The following CNTNAP2 variants were observed in gnomAD, a reference collection of about 807,000 sequenced individuals.
CNTNAP2 encodes contactin associated protein 2, also known as contactin-associated protein-like 2.
Under a neutral mutation model 155.2 loss-of-function variants are expected in CNTNAP2, and 98 were observed. The ratio of observed to expected loss-of-function variants is 0.63; its 90% CI spans 0.54 to 0.75. The LOEUF (loss-of-function observed/expected upper bound fraction) is 0.75, where lower values mean the gene tolerates loss of function less well. Ranked by LOEUF, CNTNAP2 falls within the 30% of genes least tolerant of loss-of-function variation. The pLI, the probability that CNTNAP2 is intolerant of heterozygous loss-of-function variation, is 0.00. For missense variants in CNTNAP2, 1,727 were observed against 1,688.1 expected, an observed-to-expected ratio of 1.02 and a Z score of -0.40; for synonymous variants, 651 against 631.2, an observed-to-expected ratio of 1.03 and a Z score of -0.47.
At chr7:147,787,553 T>C (rs1282368563) in intron 13 of CNTNAP2, among the ~76,000 whole-genome samples, 2 of 152,376 alleles carry the variant, frequency 1.3e-5, no homozygotes, top group East Asian at 1.9e-4. Context: ...TCTGTAGTTA[T>C]AGCCTAGAGC....
intron 6 of CNTNAP2, chr7:147,122,530 G>A (rs1036387285): frequency 6.6e-6 from 1 of 152,218 alleles, no homozygotes; most frequent in Non-Finnish European, 1.5e-5. Context: ...ACGACTGGCA[G>A]AAATGGGGAT....
intron 15 of CNTNAP2, among the ~76,000 whole-genome samples, chr7:148,070,730 T>A (rs993064652): frequency 9.2e-5 from 14 of 152,138 alleles, no homozygotes; most frequent in Admixed American, 3.9e-4. Flanking sequence ...ATAAATAAAT[T>A]AATTAATTAA....
At chr7:147,229,176 C>T (rs1002140054) in intron 8 of CNTNAP2, among the ~76,000 whole-genome samples, 5 of 152,200 alleles carry the variant, frequency 3.3e-5, no homozygotes, top group Admixed American at 6.5e-5. Flanking sequence ...TTTCCTTATG[C>T]CTGACAGGAC....
At chr7:146,819,866 G>C (rs1803242443) in intron 2 of CNTNAP2, among the ~76,000 whole-genome samples, 1 of 152,042 alleles carries the variant, frequency 6.6e-6, no homozygotes, top group Non-Finnish European at 1.5e-5. Flanking sequence ...CTGAAATACA[G>C]GCTGTCAGGA....
intron 2 of CNTNAP2, among the ~76,000 whole-genome samples, chr7:146,838,224 T>G (rs1803654349): frequency 6.6e-6 from 1 of 152,232 alleles, no homozygotes; most frequent in Admixed American, 6.5e-5. Flanking sequence ...GCCAGGAAGT[T>G]GGCAGGGCTC....
At chr7:148,212,845 T>C (rs1795572292) in intron 18 of CNTNAP2, among the ~76,000 whole-genome samples, 1 of 152,202 alleles carries the variant, frequency 6.6e-6, no homozygotes, top group Admixed American at 6.5e-5. Flanking sequence ...CAGGCTTTGC[T>C]TTAACAGTTG....
At chr7:147,022,572 GTA>G (rs1798835116) in intron 3 of CNTNAP2, among the ~76,000 whole-genome samples, 1 of 148,280 alleles carries the variant, frequency 6.7e-6, no homozygotes, top group Non-Finnish European at 1.5e-5. Context: ...ACGCACACAT[GTA>G]TATGTACTAT....
chr7:148,176,013 T>C (rs1794927352), intron 18 of CNTNAP2, among the ~76,000 whole-genome samples: 1 of 152,084 alleles, frequency 6.6e-6, no homozygotes, highest in Admixed American at 6.6e-5. Flanking sequence ...TAGTTGAATA[T>C]GTAAGTGAAA....
chr7:146,438,773 G>GT (rs934342225), intron 1 of CNTNAP2, among the ~76,000 whole-genome samples: 7 of 151,402 alleles, frequency 4.6e-5, no homozygotes, highest in Non-Finnish European at 8.8e-5. Flanking sequence ...ATTAAGATAG[G>GT]TTTTTTATTG....
At chr7:147,252,119 T>G (rs1332766940) in intron 8 of CNTNAP2, among the ~76,000 whole-genome samples, 1 of 152,166 alleles carries the variant, frequency 6.6e-6, no homozygotes, top group South Asian at 2.1e-4. Flanking sequence ...GGATGAAAAG[T>G]TGCTGAATAA....
intron 1 of CNTNAP2, among the ~76,000 whole-genome samples, chr7:146,421,311 G>T (rs759079856): frequency 2.0e-5 from 3 of 151,960 alleles, no homozygotes; most frequent in African/African-American, 7.2e-5. Flanking sequence ...TTATTTAAAT[G>T]CATACAGAAA....
intron 1 of CNTNAP2, among the ~76,000 whole-genome samples, chr7:146,394,032 CTTG>C (rs1398762550): frequency 1.3e-5 from 2 of 152,118 alleles, no homozygotes; most frequent in African/African-American, 4.8e-5. Flanking sequence ...TCAAAGGCTG[CTTG>C]TTGTCGCTTT....
intron 1 of CNTNAP2, among the ~76,000 whole-genome samples, chr7:146,159,350 A>G (rs544753063): frequency 5.6e-4 from 85 of 152,316 alleles, no homozygotes; most frequent in African/African-American, 1.9e-3. Flanking sequence ...CAAAATAACC[A>G]GCTAACATCA....
At chr7:146,920,865 A>G (rs376975568) in intron 3 of CNTNAP2, among the ~76,000 whole-genome samples, 33 of 152,320 alleles carry the variant, frequency 2.2e-4, no homozygotes, top group African/African-American at 7.9e-4. Context: ...CATAAATGCC[A>G]GCTGCTGCAG....
intron 15 of CNTNAP2, among the ~76,000 whole-genome samples, chr7:148,018,482 C>T (rs1444777665): frequency 1.3e-5 from 2 of 152,044 alleles, no homozygotes; most frequent in Non-Finnish European, 2.9e-5. Context: ...GTACTAACAG[C>T]TAAGGGGAAA....
intron 9 of CNTNAP2, among the ~76,000 whole-genome samples, chr7:147,358,764 G>T (rs1407704557): frequency 1.3e-5 from 2 of 151,810 alleles, no homozygotes; most frequent in East Asian, 3.9e-4. Flanking sequence ...TAATAATGTT[G>T]CCATTCCTCA....
At chr7:146,677,741 T>A (rs1436539090) in intron 1 of CNTNAP2, among the ~76,000 whole-genome samples, 1 of 151,994 alleles carries the variant, frequency 6.6e-6, no homozygotes, top group Non-Finnish European at 1.5e-5. Context: ...TACTAAGAAT[T>A]TACATAAAAA....
chr7:147,095,884 T>G (rs1800520743), intron 4 of CNTNAP2, among the ~76,000 whole-genome samples: 1 of 152,140 alleles, frequency 6.6e-6, no homozygotes, highest in Admixed American at 6.5e-5. Flanking sequence ...CCCTTCCCTT[T>G]AGCAGCAGCA....
intron 4 of CNTNAP2, among the ~76,000 whole-genome samples, chr7:147,067,707 C>T (rs1799808690): frequency 1.3e-5 from 2 of 152,068 alleles, no homozygotes; most frequent in Admixed American, 6.5e-5. Context: ...CTTCTTTATC[C>T]TTAAAGATGA....
Sources: gnomAD v4.1 joint callset for allele counts (sites outside exome capture counted in the v4.1 genomes callset) on GRCh38, gnomAD v4.1.1 for gene constraint, MANE v1.5 for transcripts, NCBI Gene and HGNC (gene_info 2026-07-23, HGNC 2026-07-21) for gene names.